TMEM229A: variants seen among roughly 807,000 people sequenced by gnomAD.
TMEM229A encodes transmembrane protein 229A.
Under a neutral mutation model 30.0 loss-of-function variants are expected in TMEM229A, and 23 were observed. That is an observed-to-expected ratio of 0.77 (90% CI 0.55 to 1.09). The LOEUF (loss-of-function observed/expected upper bound fraction) is 1.09, where lower values mean the gene tolerates loss of function less well. Among genes scored for constraint, TMEM229A ranks in the 50% least tolerant of loss-of-function variants. TMEM229A has a pLI of 0.00. For missense variants in TMEM229A, 534 were observed against 525.9 expected, an observed-to-expected ratio of 1.02 and a Z score of -0.15; for synonymous variants, 264 against 241.5, an observed-to-expected ratio of 1.09 and a Z score of -0.86.
At position 124,032,498 on chromosome 7, in the gene TMEM229A, T is replaced by C. The variant is rs773085607; in HGVS notation, c.506A>G (p.His169Arg). 1 of 1,550,114 alleles carries C rather than the reference T, an allele frequency of 6.5e-7. No individual in the cohort carries two copies. Among genetic ancestry groups the C allele is most frequent in the South Asian group, 1.2e-5 (1 of 84,028 alleles). The change falls in exon 1 of 1, where the codon CAC (histidine) becomes CGC (arginine). Residue 169 changes from histidine (H) to arginine (R), a missense_variant. His to Arg is a conservative substitution (Grantham distance 29). Transcript: ENST00000455783. The surrounding 1 kb of genome is among the most constrained non-coding windows in gnomAD (Gnocchi z 6.6). ...LALQYVLALY[H>R]CQVFLKRFLR... Reference sequence around the variant, plus strand: ...GAAGCGCTTCAGGAACACTTGGCAGTGGTAGAGCGCCAGCACGTACTGCAG... The same window carrying C: ...GAAGCGCTTCAGGAACACTTGGCAGCGGTAGAGCGCCAGCACGTACTGCAG...
rs563082322 is a variant in TMEM229A, at chr7:124,032,129, T to C, written c.875A>G (p.Glu292Gly). ...GTAGTGGAGGTGGAAGTAGAGCTTT[T>C]CCACCACGAAACTGCAGCTGCCGTA... ...FMYGSCSFVV[E>G]KLYFHLHYSR... is the part of the protein sequence containing the mutation. Residue 292 changes from glutamate to glycine, a missense_variant, in exon 1 of 1, where the codon GAA (glutamate) becomes GGA (glycine). Coordinates refer to ENST00000455783, the MANE Select transcript of TMEM229A (RefSeq NM_001136002.2). The surrounding 1 kb of genome is among the most constrained non-coding windows in gnomAD (Gnocchi z 6.6). 1 of 1,551,702 alleles carries C rather than the reference T, an allele frequency of 6.4e-7. No homozygotes were observed. Among genetic ancestry groups the C allele is most frequent in the Non-Finnish European group, 8.7e-7 (1 of 1,146,994 alleles).
In TMEM229A at chr7:124,032,377, G is replaced by A. The variant is rs548896504; in HGVS notation, c.627C>T (p.Pro209=). 238 of 1,540,336 alleles carry A rather than the reference G, an allele frequency of 1.5e-4. No individual in the cohort carries two copies. Among genetic ancestry groups the A allele is most frequent in the Non-Finnish European group, 1.9e-4 (220 of 1,143,790 alleles). The change falls in exon 1 of 1, where the codon CCC becomes CCT. Residue 209 remains proline, a synonymous_variant. Transcript: ENST00000455783. This position sits in a 1 kb window ranked among gnomAD's most constrained non-coding sequence, Gnocchi z 6.6. ...CGGCCGCAGTAGGGACCCGGGCGCC[G>A]GGAGGGACGGGGAGCGCGCCCCTCC... ...QQRRGALPVP[P]GARVPTAAGA...
Position 124,031,884 on chromosome 7 carries a change from C to T in TMEM229A, c.1120G>A (p.Val374Met). 3 of 1,551,136 alleles carry T rather than the reference C, an allele frequency of 1.9e-6. No homozygotes were observed. The highest frequency in any genetic ancestry group is 2.6e-6 in the Non-Finnish European group (3 of 1,146,748). ...QDLISNVLWR[V>M]QYVPAN is the part of the protein sequence containing the mutation. ...TTTTAGTTAGCTGGTACGTACTGCA[C>T]CCTCCACAACACGTTGGAAATTAGG... The change falls in exon 1 of 1, where the codon GTG becomes ATG. Residue 374 changes from valine (V) to methionine (M), a missense_variant. Val to Met is a conservative substitution (Grantham distance 21). Coordinates refer to ENST00000455783, the MANE Select transcript of TMEM229A (RefSeq NM_001136002.2). The surrounding 1 kb of genome is among the most constrained non-coding windows in gnomAD (Gnocchi z 4.1).
At position 124,032,463 on chromosome 7, in the gene TMEM229A, G is replaced by A; in HGVS notation, c.541C>T (p.Arg181Trp). Residue 181 changes from arginine (R) to tryptophan (W), a missense_variant, in exon 1 of 1, where the codon CGG becomes TGG. Physicochemically the swap from Arg to Trp is moderately radical, Grantham distance 101. Transcript: ENST00000455783. This position sits in a 1 kb window ranked among gnomAD's most constrained non-coding sequence, Gnocchi z 6.6. The stretch of plus-strand genomic sequence containing the variant: ...TGCCGCCGCCTCTGTCGCCCGTACC[G>A]CAAGCGCAGGAAGCGCTTCAGGAAC... ...QVFLKRFLRL[R>W]YGRQRRRQQQ... 6.5e-7 allele frequency: 1 copy of A among 1,548,710 alleles called. No homozygotes were observed. The highest frequency in any genetic ancestry group is 1.2e-5 in the South Asian group (1 of 84,032).
rs1793134524 is a variant in TMEM229A, at chr7:124,031,732, A to C, written c.*129T>G. The C allele has an allele frequency of 3.1e-6, 3 of 966,030 alleles. No individual in the cohort carries two copies. Among genetic ancestry groups the C allele is most frequent in the Non-Finnish European group, 4.4e-6 (3 of 686,004 alleles). The allele number at this position is 966,030 out of a possible 1,614,324, so 59.8% of individuals were successfully genotyped here. On this transcript the variant is annotated 3_prime_UTR_variant, in exon 1 of 1. Transcript: ENST00000455783. The surrounding 1 kb of genome is among the most constrained non-coding windows in gnomAD (Gnocchi z 4.1). ...TAAAAGGTGGAATAAAACAATTTGG[A>C]AGAGTTTAGTAAAGCGTATAAAAAT...
rs1793155024 is a variant in TMEM229A, at chr7:124,032,773, G to A, written c.231C>T (p.Phe77=). Residue 77 remains phenylalanine (F), a synonymous_variant, in exon 1 of 1, where the codon TTC becomes TTT. Coordinates refer to ENST00000455783, the MANE Select transcript of TMEM229A (RefSeq NM_001136002.2). The surrounding 1 kb of genome is among the most constrained non-coding windows in gnomAD (Gnocchi z 6.6). ...LDVLVSSARR[F]ARSPDLRMLG... Reference sequence around the variant, plus strand: ...GCATCCGCAGGTCCGGGCTGCGGGCGAAGCGCCGGGCCGAGGACACCAGCA... The same window carrying A: ...GCATCCGCAGGTCCGGGCTGCGGGCAAAGCGCCGGGCCGAGGACACCAGCA... The A allele has an allele frequency of 1.9e-6, 3 of 1,551,192 alleles. No homozygotes were observed. The highest frequency in any genetic ancestry group is 2.6e-6 in the Non-Finnish European group (3 of 1,146,852).
rs1793138867 is a variant in TMEM229A, at chr7:124,031,996, C to T, written c.1008G>A (p.Trp336Ter). The change falls in exon 1 of 1, where the codon TGG becomes TGA. Residue 336 changes from tryptophan to a stop codon, truncating the protein, a stop_gained. Transcript: ENST00000455783. LOFTEE classifies it high-confidence loss of function. This position sits in a 1 kb window ranked among gnomAD's most constrained non-coding sequence, Gnocchi z 4.1. ...LGLRTCGACSWDYSHYPLNFM... is the reference protein window; with the variant it reads ...LGLRTCGACS Reference sequence around the variant, plus strand: ...AATTGAGCGGGTAGTGAGAATAGTCCCAGGAACAAGCCCCGCACGTGCGGA... The same window carrying T: ...AATTGAGCGGGTAGTGAGAATAGTCTCAGGAACAAGCCCCGCACGTGCGGA... 6.4e-7 allele frequency: 1 copy of T among 1,551,482 alleles called. No homozygotes were observed. Among genetic ancestry groups the T allele is most frequent in the African/African-American group, 1.4e-5 (1 of 73,000 alleles).
In TMEM229A at chr7:124,032,428, CTGT is replaced by C. The variant is rs1271329534; in HGVS notation, c.573_575del (p.Gln200del). ...GCTGCTGCTGCTGCTGCTGCTGCTG[CTGT>C]TGCTGCTGCCGCCGCCTCTGTCGCC... On this transcript the variant is annotated inframe_deletion, in exon 1 of 1. Coordinates refer to ENST00000455783, the MANE Select transcript of TMEM229A (RefSeq NM_001136002.2). The surrounding 1 kb of genome is among the most constrained non-coding windows in gnomAD (Gnocchi z 6.6). 3.3e-6 allele frequency: 5 copies of C among 1,538,180 alleles called. No homozygotes were observed. The African/African-American group carries it at 5.9e-5, about 18-fold the overall frequency.
Position 124,032,123 on chromosome 7 carries a change from A to G in TMEM229A, c.881T>C (p.Leu294Pro). ...GCGGCTGTAGTGGAGGTGGAAGTAG[A>G]GCTTTTCCACCACGAAACTGCAGCT... Reference protein sequence around the residue: ...YGSCSFVVEKLYFHLHYSRGW... With the variant: ...YGSCSFVVEKPYFHLHYSRGW... The change falls in exon 1 of 1, where the codon CTC becomes CCC. Residue 294 changes from leucine (L) to proline (P), a missense_variant. Transcript: ENST00000455783. The surrounding 1 kb of genome is among the most constrained non-coding windows in gnomAD (Gnocchi z 6.6). The G allele has an allele frequency of 6.4e-7, 1 of 1,551,666 alleles. No individual in the cohort carries two copies. Among genetic ancestry groups the G allele is most frequent in the Non-Finnish European group, 8.7e-7 (1 of 1,146,998 alleles).
In TMEM229A at chr7:124,032,302, G is replaced by A; in HGVS notation, c.702C>T (p.Pro234=). The A allele has an allele frequency of 1.3e-6, 2 of 1,550,380 alleles. No individual in the cohort carries two copies. Among genetic ancestry groups the A allele is most frequent in the Non-Finnish European group, 8.7e-7 (1 of 1,146,812 alleles). The change falls in exon 1 of 1, where the codon CCC becomes CCT. Residue 234 remains proline (P), a synonymous_variant. Coordinates refer to ENST00000455783, the MANE Select transcript of TMEM229A (RefSeq NM_001136002.2). This position sits in a 1 kb window ranked among gnomAD's most constrained non-coding sequence, Gnocchi z 6.6. ...GGGGTAGGTCGGGCAGCCCCTGGCT[G>A]GGGGCTCCCCCGGCGCCCCTGGGGC... The part of the protein sequence containing the change: ...PRGPRGAGGA[P]SQGLPDLPRF...
Position 124,031,039 on chromosome 7 carries a change from C to T in TMEM229A, c.*822G>A, listed in dbSNP as rs1793127388. ...GGAAGGTGATATAATTTCACTTGGC[C>T]CTCGGCTATGTAAGGTAAACATTTT... On this transcript the variant is annotated 3_prime_UTR_variant, in exon 1 of 1. Coordinates refer to ENST00000455783, the MANE Select transcript of TMEM229A (RefSeq NM_001136002.2). This position sits in a 1 kb window ranked among gnomAD's most constrained non-coding sequence, Gnocchi z 4.1. 1 of 152,212 alleles carries T rather than the reference C, an allele frequency of 6.6e-6. No homozygotes were observed. Among genetic ancestry groups the T allele is most frequent in the Admixed American group, 6.5e-5 (1 of 15,292 alleles). The allele number at this position is 152,212 out of a possible 1,614,324, so 9.4% of individuals were successfully genotyped here.
chr7:124,032,771 G>T lies in TMEM229A; in HGVS notation c.233C>A (p.Ala78Asp). ...TAGCATCCGCAGGTCCGGGCTGCGG[G>T]CGAAGCGCCGGGCCGAGGACACCAG... ...DVLVSSARRF[A>D]RSPDLRMLGF... Residue 78 changes from alanine to aspartate, a missense_variant, in exon 1 of 1, where the codon GCC (alanine) becomes GAC (aspartate). By Grantham distance (126) the Ala-to-Asp change is moderately radical (BLOSUM62 -2). Transcript: ENST00000455783. This position sits in a 1 kb window ranked among gnomAD's most constrained non-coding sequence, Gnocchi z 6.6. 6.4e-7 allele frequency: 1 copy of T among 1,551,228 alleles called. No individual in the cohort carries two copies. The highest frequency in any genetic ancestry group is 8.7e-7 in the Non-Finnish European group (1 of 1,146,856).
Position 124,032,848 on chromosome 7 carries a change from G to C in TMEM229A, c.156C>G (p.Pro52=), listed in dbSNP as rs920492467. ...CGTAGAAGTAGAGGCGCATCCAGGC[G>C]GGCAGCGTGGCGCTCTCAGCCGGCG... The part of the protein sequence containing the change: ...AEAPAESATL[P]AWMRLYFYGM... Residue 52 remains proline, a synonymous_variant, in exon 1 of 1, where the codon CCC becomes CCG. Coordinates refer to ENST00000455783, the MANE Select transcript of TMEM229A (RefSeq NM_001136002.2). The surrounding 1 kb of genome is among the most constrained non-coding windows in gnomAD (Gnocchi z 6.6). 1 of 1,544,882 alleles carries C rather than the reference G, an allele frequency of 6.5e-7. No homozygotes were observed. Among genetic ancestry groups the C allele is most frequent in the Non-Finnish European group, 8.7e-7 (1 of 1,144,294 alleles).
At position 124,032,167 on chromosome 7, in the gene TMEM229A, C is replaced by G. The variant is rs979989279; in HGVS notation, c.837G>C (p.Trp279Cys). Residue 279 changes from tryptophan (W) to cysteine (C), a missense_variant, in exon 1 of 1, where the codon TGG becomes TGC. Coordinates refer to ENST00000455783, the MANE Select transcript of TMEM229A (RefSeq NM_001136002.2). The surrounding 1 kb of genome is among the most constrained non-coding windows in gnomAD (Gnocchi z 6.6). The part of the protein sequence containing the change: ...DGTTSGHTSL[W>C]SFFMYGSCSF... The stretch of plus-strand genomic sequence containing the variant: ...TGCAGCTGCCGTACATAAAGAAGGA[C>G]CAGAGCGACGTGTGGCCGCTGGTTG... The G allele has an allele frequency of 6.4e-6, 10 of 1,551,710 alleles. No homozygotes were observed. Among genetic ancestry groups the G allele is most frequent in the Non-Finnish European group, 4.4e-6 (5 of 1,147,036 alleles).
In TMEM229A at chr7:124,031,675, G is replaced by T. The variant is rs1793134042; in HGVS notation, c.*186C>A. 1 of 593,610 alleles carries T rather than the reference G, an allele frequency of 1.7e-6. No homozygotes were observed. The highest frequency in any genetic ancestry group is 3.4e-5 in the Admixed American group (1 of 29,776). The allele number at this position is 593,610 out of a possible 1,614,324, so 36.8% of individuals were successfully genotyped here. On this transcript the variant is annotated 3_prime_UTR_variant, in exon 1 of 1. Coordinates refer to ENST00000455783, the MANE Select transcript of TMEM229A (RefSeq NM_001136002.2). The surrounding 1 kb of genome is among the most constrained non-coding windows in gnomAD (Gnocchi z 4.1). Reference sequence around the variant, plus strand: ...ATTATGTTTCGAGTAGTGTTTCAAAGTATATTATACACGGGTTTCAAATAG... The same window carrying T: ...ATTATGTTTCGAGTAGTGTTTCAAATTATATTATACACGGGTTTCAAATAG...
chr7:124,032,432 T>TGCTGCTGCCGCC lies in TMEM229A; in HGVS notation c.560_571dup (p.Arg187_Gln190dup), dbSNP rs1258402644. ...CTGCTGCTGCTGCTGCTGCTGCTGT[T>TGCTGCTGCCGCC]GCTGCTGCCGCCGCCTCTGTCGCCC... On this transcript the variant is annotated inframe_insertion, in exon 1 of 1. Transcript: ENST00000455783. This position sits in a 1 kb window ranked among gnomAD's most constrained non-coding sequence, Gnocchi z 6.6. The TGCTGCTGCCGCC allele has an allele frequency of 1.3e-6, 2 of 1,543,780 alleles. No individual in the cohort carries two copies. Among genetic ancestry groups the TGCTGCTGCCGCC allele is most frequent in the Non-Finnish European group, 8.7e-7 (1 of 1,146,010 alleles).
Position 124,031,878 on chromosome 7 carries a change from A to G in TMEM229A, c.1126T>C (p.Tyr376His). Reference protein sequence around the residue: ...LISNVLWRVQYVPAN With the variant: ...LISNVLWRVQHVPAN The stretch of plus-strand genomic sequence containing the variant: ...TTTTGGTTTTAGTTAGCTGGTACGT[A>G]CTGCACCCTCCACAACACGTTGGAA... Residue 376 changes from tyrosine (Y) to histidine (H), a missense_variant, in exon 1 of 1, where the codon TAC (tyrosine) becomes CAC (histidine). Transcript: ENST00000455783. This position sits in a 1 kb window ranked among gnomAD's most constrained non-coding sequence, Gnocchi z 4.1. 6.4e-7 allele frequency: 1 copy of G among 1,551,068 alleles called. No homozygotes were observed. The highest frequency in any genetic ancestry group is 8.7e-7 in the Non-Finnish European group (1 of 1,146,732).
rs182026849 is a variant in TMEM229A, at chr7:124,031,863, A to G, written c.1141T>C (p.Ter381GlnextTer32). The G allele has an allele frequency of 6.7e-7, 1 of 1,494,366 alleles. No individual in the cohort carries two copies. Among genetic ancestry groups the G allele is most frequent in the South Asian group, 1.3e-5 (1 of 75,766 alleles). The allele number at this position is 1,494,366 out of a possible 1,614,324, so 92.6% of individuals were successfully genotyped here. A position where few individuals can be genotyped will look rare whatever the true frequency, so the allele number is the denominator to read the frequency against. ...LWRVQYVPAN[*>Q] ...TTTTCTTTCTTTCTTTTTTGGTTTTAGTTAGCTGGTACGTACTGCACCCTC... is the reference window on the plus strand; with the variant it reads ...TTTTCTTTCTTTCTTTTTTGGTTTTGGTTAGCTGGTACGTACTGCACCCTC... Residue 381 changes from the stop codon to glutamine (Q), a stop_lost, in exon 1 of 1, where the codon TAA (stop) becomes CAA (glutamine). Coordinates refer to ENST00000455783, the MANE Select transcript of TMEM229A (RefSeq NM_001136002.2). The surrounding 1 kb of genome is among the most constrained non-coding windows in gnomAD (Gnocchi z 4.1).
chr7:124,032,561 G>T lies in TMEM229A; in HGVS notation c.443C>A (p.Ala148Glu). The change falls in exon 1 of 1, where the codon GCG (alanine) becomes GAG (glutamate). Residue 148 changes from alanine (A) to glutamate (E), a missense_variant. Physicochemically the swap from Ala to Glu is moderately radical, Grantham distance 107 (BLOSUM62 -1). Coordinates refer to ENST00000455783, the MANE Select transcript of TMEM229A (RefSeq NM_001136002.2). The surrounding 1 kb of genome is among the most constrained non-coding windows in gnomAD (Gnocchi z 6.6). ...CGCCCCTGGCGCCACCGCGACCCCC[G>T]CCCCGCCGCCCAGGCTGAGTAGTAG... is the stretch of plus-strand genomic sequence containing the variant. ...QALLLSLGGG[A>E]GVAVAPGALD... The T allele has an allele frequency of 6.5e-7, 1 of 1,549,278 alleles. No individual in the cohort carries two copies. Among genetic ancestry groups the T allele is most frequent in the Non-Finnish European group, 8.7e-7 (1 of 1,145,850 alleles).
Sources: gnomAD v4.1 joint callset for allele counts on GRCh38, gnomAD v4.1.1 for gene constraint, Gnocchi (gnomAD v3.1) non-coding constraint, MANE v1.5 for transcripts, NCBI Gene and HGNC (gene_info 2026-07-23, HGNC 2026-07-21) for gene names.